RYR2: variants seen among roughly 807,000 people sequenced by gnomAD.
RYR2 encodes ryanodine receptor 2, also known as cardiac muscle ryanodine receptor-calcium release channel.
A neutral mutation model predicts 601.1 loss-of-function variants in RYR2; 227 were observed. The observed-to-expected ratio is 0.38, with a 90% CI of 0.34 to 0.42. The LOEUF is 0.42. Ranked by LOEUF, RYR2 falls within the 10% of genes least tolerant of loss-of-function variation. The probability of loss-of-function intolerance (pLI) is 1.00; values close to 1 mark genes in which losing one functional copy is unlikely to be tolerated. For missense variants in RYR2, 4,646 were observed against 6,156.5 expected (o/e 0.75, Z 8.21); for synonymous variants, 2,223 against 2,175.1 (o/e 1.02, Z -0.61).
chr1:237,797,462 G>C (rs1056754344), intron 96 of RYR2, among the ~76,000 whole-genome samples: 1 of 152,192 alleles, frequency 6.6e-6, no homozygotes, highest in Non-Finnish European at 1.5e-5. Flanking sequence ...GGTTGAAATT[G>C]AGACCATGGA....
At chr1:237,148,553 T>TATATATATATATATATATATAC (rs71178397) in intron 1 of RYR2, among the ~76,000 whole-genome samples, 5 of 105,688 alleles carry the variant, frequency 4.7e-5, no homozygotes, top group Non-Finnish European at 9.3e-5. Context: ...TATATATATA[T>TATATATATATATATATATATAC]ACACACACAC....
At chr1:237,179,315 G>A (rs1286503231) in intron 1 of RYR2, among the ~76,000 whole-genome samples, 1 of 152,004 alleles carries the variant, frequency 6.6e-6, no homozygotes, top group Admixed American at 6.5e-5. Flanking sequence ...ATTATATTGT[G>A]TTGAACTCAG....
chr1:237,825,356 C>T (rs1392361384), intron 101 of RYR2, among the ~76,000 whole-genome samples: 1 of 151,988 alleles, frequency 6.6e-6, no homozygotes, highest in Non-Finnish European at 1.5e-5. Context: ...TCAGAAATAA[C>T]ACCACACATC....
rs1657902320 is a variant in RYR2 at position 237,788,277 on chromosome 1, A to G, written c.13476+142A>G. On this transcript the variant is annotated intron_variant, in intron 92 of 104. Coordinates refer to ENST00000366574, the MANE Select transcript of RYR2 (RefSeq NM_001035.3). ...AGCACATGTTTGATTTGCTCATTGT[A>G]GTGTGTTTATCTTTTATAGTGAATG... 5 of 629,582 alleles carry G rather than the reference A, an allele frequency of 7.9e-6. No homozygotes were observed. In the South Asian group the frequency reaches 9.9e-5, roughly 12 times the overall value. 39.0% of individuals were successfully genotyped at this position (629,582 alleles called of 1,614,324 possible).
chr1:237,627,775 T>G, intron 40 of RYR2, 32 bp from the exon 41 acceptor site: 1 of 1,535,682 alleles, frequency 6.5e-7, no homozygotes, highest in South Asian at 1.2e-5. Flanking sequence ...CTCTTATTTT[T>G]CTTTTAAAAA....
intron 29 of RYR2, among the ~76,000 whole-genome samples, chr1:237,571,847 A>G (rs1020273054): frequency 3.9e-5 from 6 of 152,170 alleles, no homozygotes; most frequent in Non-Finnish European, 7.3e-5. Flanking sequence ...TCTAATATGT[A>G]TGAGGTACAT....
chr1:237,674,863 C>T lies in RYR2; in HGVS notation c.8830+17C>T, dbSNP rs1042309310. 31 of 1,335,832 alleles carry T rather than the reference C, an allele frequency of 2.3e-5. No individual in the cohort carries two copies. The highest frequency in any genetic ancestry group is 9.7e-6 in the Non-Finnish European group (9 of 931,178). 82.7% of individuals were successfully genotyped at this position (1,335,832 alleles called of 1,614,324 possible). On this transcript the variant is annotated intron_variant, in intron 60 of 104. Transcript: ENST00000366574. Reference sequence around the variant, plus strand: ...TGGAGTTTGGTAGGTACCATAGTCCCATTGCTAATAGCCCAGTGTTTGTTG... The same window carrying T: ...TGGAGTTTGGTAGGTACCATAGTCCTATTGCTAATAGCCCAGTGTTTGTTG...
In RYR2 at chr1:237,571,031, G is replaced by A. The variant is rs1046360135; in HGVS notation, c.3598+1712G>A. Among the ~76,000 whole-genome samples, 2 of 152,112 alleles carry A rather than the reference G, an allele frequency of 1.3e-5. 1 individual carries two copies. Among genetic ancestry groups the A allele is most frequent in the South Asian group, 4.1e-4 (2 of 4,824 alleles). ...AGCTCCAGCTGCTCAGGTGGCTGAG[G>A]TGGGAGGATCACTCGAGTCCAGGGA... On this transcript the variant is annotated intron_variant, in intron 29 of 104. Transcript: ENST00000366574.
intron 51 of RYR2, among the ~76,000 whole-genome samples, chr1:237,653,103 C>T (rs1007256222): frequency 2.6e-5 from 4 of 152,178 alleles, no homozygotes; most frequent in African/African-American, 9.7e-5. Context: ...AGATTCTGTG[C>T]TTGTCCTTGA....
chr1:237,173,996 G>A (rs1439150157), intron 1 of RYR2, among the ~76,000 whole-genome samples: 2 of 152,122 alleles, frequency 1.3e-5, no homozygotes, highest in Non-Finnish European at 2.9e-5. Context: ...GGCAGGGCTT[G>A]CAGTGAGCCG....
intron 25 of RYR2, among the ~76,000 whole-genome samples, chr1:237,542,326 T>C (rs2779375): frequency 0.58 from 88,125 of 151,740 alleles, 26,820 homozygotes; most frequent in East Asian, 0.86. Context: ...CTCCCGACCT[T>C]AGGTGATCCG....
At chr1:237,348,094 G>C (rs560681011) in intron 3 of RYR2, among the ~76,000 whole-genome samples, 2 of 152,152 alleles carry the variant, frequency 1.3e-5, no homozygotes, top group Non-Finnish European at 2.9e-5. Context: ...AGGAAAAAGA[G>C]AAATAAGGCT....
chr1:237,823,337 C>A (rs1475480769), intron 101 of RYR2, among the ~76,000 whole-genome samples: 1 of 152,156 alleles, frequency 6.6e-6, no homozygotes, highest in East Asian at 1.9e-4. Context: ...GTCTCTCAGA[C>A]CACAGTGCAA....
intron 4 of RYR2, 119 bp downstream of exon 4, chr1:237,356,104 G>T: frequency 1.2e-6 from 1 of 846,370 alleles, no homozygotes; most frequent in Non-Finnish European, 1.9e-6. Flanking sequence ...CAAACTAACT[G>T]CTTCGTTGTA....
chr1:237,519,685 G>A (rs1666906084), intron 24 of RYR2, among the ~76,000 whole-genome samples: 1 of 152,050 alleles, frequency 6.6e-6, no homozygotes, highest in Non-Finnish European at 1.5e-5. Context: ...GGTTACTATA[G>A]CCTTATAATA....
At chr1:237,151,100 G>A (rs997930394) in intron 1 of RYR2, among the ~76,000 whole-genome samples, 8 of 152,228 alleles carry the variant, frequency 5.3e-5, no homozygotes, top group African/African-American at 1.9e-4. Flanking sequence ...AGGAATCATG[G>A]TGCTGTTAGG....
intron 15 of RYR2, among the ~76,000 whole-genome samples, chr1:237,455,216 G>C (rs1658664321): frequency 6.6e-6 from 1 of 152,026 alleles, no homozygotes; most frequent in Non-Finnish European, 1.5e-5. Flanking sequence ...AATATAGTCA[G>C]GAGCTTCGTT....
intron 82 of RYR2, among the ~76,000 whole-genome samples, chr1:237,758,991 G>GT (rs1693185889): frequency 1.3e-5 from 2 of 152,212 alleles, no homozygotes; most frequent in African/African-American, 4.8e-5. Flanking sequence ...GATTCCTATT[G>GT]TTTTTTCAAT....
chr1:237,717,136 C>A, intron 71 of RYR2, 62 bp from the exon 72 acceptor site: 1 of 1,469,632 alleles, frequency 6.8e-7, no homozygotes, highest in Non-Finnish European at 9.4e-7. Flanking sequence ...AGGGAAGAGT[C>A]ATAGTGGTTC....
Sources: gnomAD v4.1 joint callset for allele counts (sites outside exome capture counted in the v4.1 genomes callset) on GRCh38, gnomAD v4.1.1 for gene constraint, MANE v1.5 for transcripts, NCBI Gene and HGNC (gene_info 2026-07-23, HGNC 2026-07-21) for gene names.